The following EPM2A variants were observed in gnomAD, a reference collection of about 807,000 sequenced individuals.
EPM2A encodes the protein laforin.
In EPM2A, 21 loss-of-function variants were observed where a neutral mutation model predicts 26.5. The ratio of observed to expected loss-of-function variants is 0.79; its 90% confidence interval spans 0.56 to 1.14. EPM2A has a LOEUF of 1.14. Ranked by LOEUF, EPM2A falls within the 50% of genes most tolerant of loss-of-function variation. The pLI, the probability that EPM2A is intolerant of heterozygous loss-of-function variation, is 0.00. For synonymous variants in EPM2A, 217 were observed against 177.6 expected, an observed-to-expected ratio of 1.22 and a Z score of -1.76; for missense variants, 458 against 440.8, an observed-to-expected ratio of 1.04 and a Z score of -0.35.
At chr6:145,415,811 G>C (rs1778700349) in intron 4 of EPM2A, among the ~76,000 whole-genome samples, 2 of 152,174 alleles carry the variant, frequency 1.3e-5, no homozygotes, top group South Asian at 4.1e-4. Flanking sequence ...ACACTCCAGA[G>C]AGAACTGCAT....
chr6:145,421,602 T>TA (rs1278812121), intron 4 of EPM2A, among the ~76,000 whole-genome samples: 1 of 151,198 alleles, frequency 6.6e-6, no homozygotes, highest in Non-Finnish European at 1.5e-5. Context: ...AATAAGAGGT[T>TA]AAAAAAAAGC....
intron 4 of EPM2A, among the ~76,000 whole-genome samples, chr6:145,432,752 A>G (rs1044246088): frequency 6.6e-6 from 1 of 152,084 alleles, no homozygotes; most frequent in African/African-American, 2.4e-5. Flanking sequence ...AAAGCCAGGC[A>G]TTTTTCCTCC....
chr6:145,437,954 A>G (rs889040327), intron 4 of EPM2A, among the ~76,000 whole-genome samples: 6 of 152,258 alleles, frequency 3.9e-5, no homozygotes, highest in African/African-American at 1.4e-4. Flanking sequence ...AATGCAAATT[A>G]TACATTCATT....
Position 145,552,018 on chromosome 6 carries a change from T to G in EPM2A, c.341-49443A>C, listed in dbSNP as rs1780661847. 2.6e-5 allele frequency among the ~76,000 whole-genome samples: 4 copies of G among 151,746 alleles called. No individual in the cohort carries two copies. The South Asian group carries it at 8.3e-4, about 31-fold the overall frequency. The stretch of plus-strand genomic sequence containing the variant: ...AACTAAAAACTTGAGACTAAATAAC[T>G]GAATAGATTCCTATGAATACAGAAT... On this transcript the variant is annotated intron_variant, in intron 2 of 3. Coordinates refer to the EPM2A transcript ENST00000450221.
chr6:145,490,032 AATCCACAGTC>A, intron 4 of EPM2A: 7 of 1,338,164 alleles, frequency 5.2e-6, no homozygotes, highest in Non-Finnish European at 6.2e-6. Flanking sequence ...ACTTGTGCTG[AATCCACAGTC>A]ACTTGTGCTG....
intron 2 of EPM2A, among the ~76,000 whole-genome samples, chr6:145,536,270 TG>T (rs869096440): frequency 0.35 from 53,304 of 150,622 alleles, 9,898 homozygotes; most frequent in South Asian, 0.51. Context: ...TTTTTGTTTT[TG>T]TTTTTGTTTT....
intron 2 of EPM2A, among the ~76,000 whole-genome samples, chr6:145,561,077 T>C (rs1409761381): frequency 2.6e-5 from 4 of 152,032 alleles, no homozygotes; most frequent in African/African-American, 9.7e-5. Flanking sequence ...ACACCCTAAA[T>C]TGTGTGGGGC....
chr6:145,397,077 C>T (rs971193899), intron 4 of EPM2A, among the ~76,000 whole-genome samples: 3 of 152,200 alleles, frequency 2.0e-5, no homozygotes, highest in African/African-American at 7.2e-5. Context: ...TAAAGCTCTT[C>T]TGCTGGTATT....
intron 4 of EPM2A, among the ~76,000 whole-genome samples, chr6:145,435,678 A>G (rs894575184): frequency 1.3e-5 from 2 of 152,048 alleles, no homozygotes; most frequent in African/African-American, 4.8e-5. Flanking sequence ...ATGCAAAAAC[A>G]GACTGATACA....
At chr6:145,467,764 A>G (rs1157541663) in intron 4 of EPM2A, among the ~76,000 whole-genome samples, 3 of 152,066 alleles carry the variant, frequency 2.0e-5, no homozygotes, top group Non-Finnish European at 4.4e-5. Context: ...GCTGATTTAT[A>G]TATCCTTCAA....
At chr6:145,670,108 T>C (rs1779535968) in intron 2 of EPM2A, among the ~76,000 whole-genome samples, 1 of 152,188 alleles carries the variant, frequency 6.6e-6, no homozygotes, top group African/African-American at 2.4e-5. Flanking sequence ...AGTTCTCTCC[T>C]TTCTCTTCTT....
chr6:145,581,691 G>C (rs1443931905), intron 2 of EPM2A, among the ~76,000 whole-genome samples: 1 of 152,120 alleles, frequency 6.6e-6, no homozygotes, highest in Non-Finnish European at 1.5e-5. Context: ...AAGGGGTCCA[G>C]TTTCATTCTG....
rs1775816463 is a variant in EPM2A at position 145,626,486 on chromosome 6, T to C, written c.*930A>G. 2.0e-6 allele frequency: 2 copies of C among 985,790 alleles called. No individual in the cohort carries two copies. The highest frequency in any genetic ancestry group is 2.4e-6 in the Non-Finnish European group (2 of 829,962). The allele number at this position is 985,790 out of a possible 1,614,324, so 61.1% of individuals were successfully genotyped here. A position where few individuals can be genotyped will look rare whatever the true frequency, so the allele number is the denominator to read the frequency against. ...AAATACAACTAATTTCCTAGATTCT[T>C]TGGCAACTGATCAGAATACTATTCT... On this transcript the variant is annotated 3_prime_UTR_variant, in exon 4 of 4. Coordinates refer to ENST00000367519, the MANE Select transcript of EPM2A (RefSeq NM_005670.4).
At chr6:145,465,423 C>T (rs13272526) in intron 4 of EPM2A, among the ~76,000 whole-genome samples, 2 of 152,140 alleles carry the variant, frequency 1.3e-5, no homozygotes, top group South Asian at 4.1e-4. Flanking sequence ...GAATGTCCTC[C>T]TGTAGCTCGG....
intron 1 of EPM2A, among the ~76,000 whole-genome samples, chr6:145,693,683 A>C (rs1781408312): frequency 6.6e-6 from 1 of 152,040 alleles, no homozygotes; most frequent in Admixed American, 6.5e-5. Context: ...TAAAAGTTAA[A>C]ATTAAAAAAT....
chr6:145,665,070 C>CA (rs1779067963), intron 2 of EPM2A, among the ~76,000 whole-genome samples: 1 of 77,238 alleles, frequency 1.3e-5, no homozygotes, highest in Non-Finnish European at 2.6e-5. Flanking sequence ...AGGAAAGATC[C>CA]AAAATTGACA....
At chr6:145,714,572 A>G (rs753999182) in intron 1 of EPM2A, among the ~76,000 whole-genome samples, 1 of 152,226 alleles carries the variant, frequency 6.6e-6, no homozygotes, top group Non-Finnish European at 1.5e-5. Flanking sequence ...GTCCATTTTC[A>G]CAATGCTGAT....
At position 145,686,445 on chromosome 6, in the gene EPM2A, A is replaced by C. The variant is rs537321242; in HGVS notation, c.302-149T>G. On this transcript the variant is annotated intron_variant, in intron 1 of 3. Transcript: ENST00000367519. ...TTTCAGTATAAACAAAAAAGACTAG[A>C]GTGAAAAACAGAACGGTAGGAATTT... The C allele has an allele frequency of 1.0e-5, 7 of 685,348 alleles. No homozygotes were observed. The African/African-American group carries it at 1.1e-4, about 11-fold the overall frequency. 42.5% of individuals were successfully genotyped at this position (685,348 alleles called of 1,614,324 possible).
chr6:145,615,388 G>C lies in EPM2A; in HGVS notation c.340+19857C>G, dbSNP rs764272368. On this transcript the variant is annotated intron_variant, in intron 2 of 3. Coordinates refer to the EPM2A transcript ENST00000450221. ...GAGGCCCTCCCAGCCACATGGAACT[G>C]TAAGTCCATTAAAACCCTTTTTCCT... Among the ~76,000 whole-genome samples the C allele has an allele frequency of 2.0e-5, 3 of 152,128 alleles. No homozygotes were observed. In the East Asian group the frequency reaches 5.8e-4, roughly 29 times the overall value.
Sources: allele counts gnomAD v4.1 joint callset (sites outside exome capture counted in the v4.1 genomes callset), GRCh38; gene constraint gnomAD v4.1.1; transcripts MANE v1.5; gene names NCBI Gene and HGNC (gene_info 2026-07-23, HGNC 2026-07-21).